Variants in CLASP1 observed in about 807,000 individuals in gnomAD.
CLASP1 encodes cytoplasmic linker associated protein 1.
CLASP1 carries 38 observed loss-of-function variants against 192.3 expected under a neutral mutation model. The observed-to-expected ratio is 0.20, with a 90% CI of 0.15 to 0.26. The LOEUF (loss-of-function observed/expected upper bound fraction) is 0.26. Ranked by LOEUF, CLASP1 falls within the 10% of genes least tolerant of loss-of-function variation. The pLI, the probability that CLASP1 is intolerant of heterozygous loss-of-function variation, is 1.00. For missense variants in CLASP1, 1,433 were observed against 1,932.5 expected (o/e 0.74, Z 4.85); for synonymous variants, 691 against 712.8 (o/e 0.97, Z 0.49).
intron 26 of CLASP1, chr2:121,402,495 C>G (rs2076284703): frequency 4.2e-6 from 2 of 477,448 alleles, no homozygotes; most frequent in Admixed American, 4.3e-5. Context: ...CAGGGGTCTC[C>G]TGTGAGACAG....
chr2:121,436,705 C>T (rs1000733407), intron 19 of CLASP1, among the ~76,000 whole-genome samples: 11 of 152,158 alleles, frequency 7.2e-5, no homozygotes, highest in African/African-American at 2.7e-4. Context: ...GCCACTGTGC[C>T]CGGCTTTAGT....
intron 19 of CLASP1, 84 bp downstream of exon 19, chr2:121,447,253 C>T: frequency 1.6e-6 from 2 of 1,257,132 alleles, no homozygotes; most frequent in South Asian, 2.9e-5. Flanking sequence ...TTGCCTCAAT[C>T]ATGGGTTTGT....
intron 35 of CLASP1, among the ~76,000 whole-genome samples, chr2:121,366,137 A>G (rs959945282): frequency 6.6e-6 from 1 of 152,226 alleles, no homozygotes; most frequent in Non-Finnish European, 1.5e-5. Context: ...CTGCCTTCCT[A>G]TCTTTTCCTC....
intron 8 of CLASP1, among the ~76,000 whole-genome samples, chr2:121,485,204 A>G (rs1219550615): frequency 6.6e-6 from 1 of 152,206 alleles, no homozygotes; most frequent in African/African-American, 2.4e-5. Flanking sequence ...TAAGAGTAGG[A>G]GGCAGAGAAA....
At chr2:121,534,507 A>G (rs1199630076) in intron 2 of CLASP1, among the ~76,000 whole-genome samples, 1 of 152,148 alleles carries the variant, frequency 6.6e-6, no homozygotes, top group Non-Finnish European at 1.5e-5. Context: ...TAGTCCTCGG[A>G]TTATTCCTGT....
chr2:121,375,742 T>C (rs72967320), intron 34 of CLASP1, among the ~76,000 whole-genome samples: 6,372 of 152,254 alleles, frequency 0.042, 169 homozygotes, highest in East Asian at 0.14. Context: ...GTCTCCTGGA[T>C]GCTGAGCAGT....
At chr2:121,540,483 A>C (rs2095207185) in intron 2 of CLASP1, among the ~76,000 whole-genome samples, 1 of 151,968 alleles carries the variant, frequency 6.6e-6, no homozygotes, top group South Asian at 2.1e-4. Flanking sequence ...AAAAATCATC[A>C]ATTTTTTAAA....
chr2:121,508,970 A>C (rs139208173), intron 7 of CLASP1, among the ~76,000 whole-genome samples: 1 of 152,346 alleles, frequency 6.6e-6, no homozygotes, highest in Admixed American at 6.5e-5. Context: ...GCACCTAAGA[A>C]CAGAGCCCAA....
At chr2:121,566,419 A>G (rs906014562) in intron 2 of CLASP1, among the ~76,000 whole-genome samples, 2 of 152,242 alleles carry the variant, frequency 1.3e-5, no homozygotes, top group African/African-American at 2.4e-5. Context: ...AACGTAAGCA[A>G]TAAGTGGAAA....
At position 121,613,628 on chromosome 2, in the gene CLASP1, TTA is replaced by T. The variant is rs1491406550; in HGVS notation, c.-285-7450_-285-7449del. 5.4e-3 allele frequency among the ~76,000 whole-genome samples: 402 copies of T among 75,116 alleles called. 3 individuals are homozygous for T. Among genetic ancestry groups the T allele is most frequent in the African/African-American group, 0.011 (357 of 31,820 alleles). 49.3% of individuals were successfully genotyped at this position (75,116 alleles called of 152,430 possible). A position where few individuals can be genotyped will look rare whatever the true frequency, so the allele number is the denominator to read the frequency against. On this transcript the variant is annotated intron_variant, in intron 1 of 39. Coordinates refer to ENST00000263710, the Ensembl canonical transcript of CLASP1. ...AAGCACATGCACAAAGCCTTTTTTTTTAAAAAAAAAAAATAGCACCTATCTCC... is the reference window on the plus strand; with the variant it reads ...AAGCACATGCACAAAGCCTTTTTTTTAAAAAAAAAAATAGCACCTATCTCC...
At chr2:121,387,481 G>C (rs369820432) in intron 31 of CLASP1, among the ~76,000 whole-genome samples, 2 of 152,078 alleles carry the variant, frequency 1.3e-5, no homozygotes, top group African/African-American at 4.8e-5. Context: ...TTGAGCACTT[G>C]CATCTTTCCA....
At chr2:121,498,900 T>C (rs2093636046) in intron 8 of CLASP1, among the ~76,000 whole-genome samples, 2 of 152,166 alleles carry the variant, frequency 1.3e-5, no homozygotes, top group South Asian at 2.1e-4. Context: ...GTGACTATAA[T>C]GAAAAAGATA....
intron 1 of CLASP1, among the ~76,000 whole-genome samples, chr2:121,611,221 G>A (rs544901140): frequency 1.4e-5 from 2 of 145,562 alleles, no homozygotes; most frequent in East Asian, 2.1e-4. Context: ...GGAGTTACAG[G>A]AGGAAGAGGA....
intron 31 of CLASP1, 42 bp downstream of exon 32, chr2:121,387,721 C>T: frequency 6.2e-7 from 1 of 1,606,144 alleles, no homozygotes; most frequent in Non-Finnish European, 8.5e-7. Flanking sequence ...ACGCAGAGGT[C>T]ATGGACATCA....
At chr2:121,478,665 C>CCACACACACCCCACA (rs2091997915) in intron 8 of CLASP1, among the ~76,000 whole-genome samples, 1 of 95,540 alleles carries the variant, frequency 1.0e-5, no homozygotes. Flanking sequence ...CACACACCCC[C>CCACACACACCCCACA]CACACACACC....
At chr2:121,383,388 G>A (rs1259102356) in intron 32 of CLASP1, among the ~76,000 whole-genome samples, 1 of 152,154 alleles carries the variant, frequency 6.6e-6, no homozygotes, top group Non-Finnish European at 1.5e-5. Flanking sequence ...TCTCTGTGTG[G>A]GGCACACACT....
exon 37 of CLASP1, chr2:121,363,231 T>G: frequency 1.2e-6 from 2 of 1,613,924 alleles, no homozygotes; most frequent in Non-Finnish European, 8.5e-7. Flanking sequence ...TCGGCGTAGT[T>G]TTTAAATCTT....
intron 7 of CLASP1, among the ~76,000 whole-genome samples, chr2:121,510,517 C>A (rs144121430): frequency 0.011 from 1,736 of 152,132 alleles, 49 homozygotes; most frequent in Admixed American, 0.063. Context: ...CTGAATAGAC[C>A]CCTAACAAGT....
rs143790759 is a variant in CLASP1, at chr2:121,448,094, G to A, written c.1741+182C>T. Among the ~76,000 whole-genome samples the A allele has an allele frequency of 5.3e-4, 81 of 152,366 alleles. 1 individual carries two copies. The highest frequency in any genetic ancestry group is 1.5e-3 in the African/African-American group (64 of 41,590). On this transcript the variant is annotated intron_variant, in intron 18 of 39. Transcript: ENST00000263710. The stretch of plus-strand genomic sequence containing the variant: ...CCCCGTCAATGTTGTCCTCAGCAGC[G>A]AGTGGCCCTGACAAAGCGGAGCTCT...
Sources: gnomAD v4.1 joint callset for allele counts (sites outside exome capture counted in the v4.1 genomes callset) on GRCh38, gnomAD v4.1.1 for gene constraint, MANE v1.5 for transcripts, NCBI Gene and HGNC (gene_info 2026-07-23, HGNC 2026-07-21) for gene names.